The following ZNF626 variants were observed in gnomAD, a reference collection of about 807,000 sequenced individuals.
ZNF626 encodes CTC-513N18.7.
In ZNF626, 4 loss-of-function variants were observed where a neutral mutation model predicts 11.7. The ratio of observed to expected loss-of-function variants is 0.34; its 90% CI spans 0.17 to 0.78. ZNF626 has a LOEUF of 0.78. Among genes scored for constraint, ZNF626 ranks in the 30% least tolerant of loss-of-function variants. The probability of loss-of-function intolerance (pLI) is 0.57; values close to 1 mark genes in which losing one functional copy is unlikely to be tolerated. For missense variants in ZNF626, 588 were observed against 587.1 expected, an observed-to-expected ratio of 1.00 and a Z score of -0.01; for synonymous variants, 179 against 198.6, an observed-to-expected ratio of 0.90 and a Z score of 0.83.
chr19:20,628,342 G>A (rs1455050293), intron 3 of ZNF626, among the ~76,000 whole-genome samples: 3 of 152,234 alleles, frequency 2.0e-5, no homozygotes, highest in South Asian at 2.1e-4. Context: ...CTAGATCCCT[G>A]AGGAATCACC....
chr19:20,625,702 A>G, intron 3 of ZNF626, 52 bp from the exon 4 acceptor site: 3 of 1,480,716 alleles, frequency 2.0e-6, no homozygotes, highest in Non-Finnish European at 2.7e-6. Flanking sequence ...TCAGATAAAT[A>G]TAAATATATA....
chr19:20,642,310 T>A (rs1970032359), intron 3 of ZNF626, among the ~76,000 whole-genome samples: 2 of 152,130 alleles, frequency 1.3e-5, no homozygotes, highest in South Asian at 4.1e-4. Context: ...TTAAGAAACC[T>A]ACACTGAGAC....
rs73926009 is a variant in ZNF626, at chr19:20,622,660, C to A, written c.*1630G>T. The A allele has an allele frequency of 2.0e-5, 3 of 152,058 alleles. No homozygotes were observed. Among genetic ancestry groups the A allele is most frequent in the South Asian group, 4.1e-4 (2 of 4,824 alleles). The allele number at this position is 152,058 out of a possible 1,614,324, so 9.4% of individuals were successfully genotyped here. A position where few individuals can be genotyped will look rare whatever the true frequency, so the allele number is the denominator to read the frequency against. ...ATGTAAATACAAAGCTTCAAAAAAT[C>A]TCCTTTTAAAGTTATATACTAATTT... On this transcript the variant is annotated 3_prime_UTR_variant, in exon 4 of 4. Transcript: ENST00000601440.
chr19:20,625,273 T>C lies in ZNF626; in HGVS notation c.604A>G (p.Lys202Glu), dbSNP rs1555769431. The C allele has an allele frequency of 3.1e-6, 5 of 1,613,878 alleles. No individual in the cohort carries two copies. The highest frequency in any genetic ancestry group is 3.4e-6 in the Non-Finnish European group (4 of 1,179,994). ...KKIHTGGKPY[K>E]CEECGKAFNH... The stretch of plus-strand genomic sequence containing the variant: ...AAGGCTTTGCCACATTCTTCACATT[T>C]GTAGGGTTTCCCTCCAGTATGAATT... Residue 202 changes from lysine to glutamate, a missense_variant, in exon 4 of 4, where the codon AAA becomes GAA. Physicochemically the swap from Lys to Glu is moderately conservative, Grantham distance 56. Coordinates refer to ENST00000601440, the MANE Select transcript of ZNF626 (RefSeq NM_001076675.3).
At chr19:20,656,828 G>T (rs782578074) in intron 1 of ZNF626, among the ~76,000 whole-genome samples, 1 of 152,182 alleles carries the variant, frequency 6.6e-6, no homozygotes, top group Non-Finnish European at 1.5e-5. Flanking sequence ...AAAAGGGAAT[G>T]CTTATACTCT....
At chr19:20,658,045 T>A (rs1404798825) in intron 1 of ZNF626, among the ~76,000 whole-genome samples, 1 of 150,950 alleles carries the variant, frequency 6.6e-6, no homozygotes, top group Admixed American at 6.6e-5. Context: ...CAAACCCCCA[T>A]GACGTAATTT....
Position 20,661,435 on chromosome 19 carries a change from C to T in ZNF626, c.3+9G>A, listed in dbSNP as rs868966965. On this transcript the variant is annotated intron_variant, in intron 1 of 3. Coordinates refer to ENST00000601440, the MANE Select transcript of ZNF626 (RefSeq NM_001076675.3). Reference sequence around the variant, plus strand: ...CTCCTCTCTCGGGATGTCGGACCCTCACTCTCACCATTTTTGGCTTCCAGG... The same window carrying T: ...CTCCTCTCTCGGGATGTCGGACCCTTACTCTCACCATTTTTGGCTTCCAGG... 3.7e-6 allele frequency: 6 copies of T among 1,613,926 alleles called. No homozygotes were observed. The African/African-American group carries it at 5.3e-5, about 14-fold the overall frequency.
intron 3 of ZNF626, 122 bp from the exon 4 acceptor site, chr19:20,625,772 C>T (rs1969823415): frequency 2.9e-6 from 3 of 1,036,672 alleles, no homozygotes; most frequent in Admixed American, 3.6e-5. Context: ...GAAAATACCA[C>T]AAGCTGTAAT....
chr19:20,654,971 G>A (rs1970188865), intron 1 of ZNF626, among the ~76,000 whole-genome samples: 1 of 151,874 alleles, frequency 6.6e-6, no homozygotes, highest in African/African-American at 2.4e-5. Flanking sequence ...ATTCAGCCAG[G>A]CATGGTGATG....
chr19:20,625,347 T>C lies in ZNF626; in HGVS notation c.530A>G (p.Glu177Gly), dbSNP rs1969814499. 6.2e-7 allele frequency: 1 copy of C among 1,614,066 alleles called. No individual in the cohort carries two copies. The highest frequency in any genetic ancestry group is 8.5e-7 in the Non-Finnish European group (1 of 1,180,004). ...HTGKKPFKYI[E>G]CGKAFKQFST... ...GAACTGCTTAAAAGCTTTGCCACAT[T>C]CTATATATTTGAAAGGTTTTTTCCC... The change falls in exon 4 of 4, where the codon GAA (glutamate) becomes GGA (glycine). Residue 177 changes from glutamate (E) to glycine (G), a missense_variant. By Grantham distance (98) the Glu-to-Gly change is moderately conservative. Transcript: ENST00000601440.
chr19:20,627,089 T>C (rs1969844169), intron 3 of ZNF626, among the ~76,000 whole-genome samples: 1 of 150,754 alleles, frequency 6.6e-6, no homozygotes, highest in Admixed American at 6.6e-5. Flanking sequence ...AAGATAAAAA[T>C]GAGGATAATA....
intron 3 of ZNF626, 68 bp from the exon 4 acceptor site, chr19:20,625,718 A>C: frequency 7.0e-7 from 1 of 1,425,216 alleles, no homozygotes; most frequent in South Asian, 1.6e-5. Context: ...ATATATATGC[A>C]GTTTGTATAG....
At chr19:20,642,553 G>A (rs563723847) in intron 3 of ZNF626, among the ~76,000 whole-genome samples, 2 of 151,710 alleles carry the variant, frequency 1.3e-5, no homozygotes, top group East Asian at 2.0e-4. Flanking sequence ...CTGAGATCGC[G>A]CCAGTGCACT....
chr19:20,649,994 A>T (rs1555772399), intron 1 of ZNF626, among the ~76,000 whole-genome samples: 1 of 152,282 alleles, frequency 6.6e-6, no homozygotes, highest in African/African-American at 2.4e-5. Context: ...CAGAAAAAAC[A>T]GAAGGCAGCA....
In ZNF626 at chr19:20,624,991, G is replaced by A. The variant is rs782107864; in HGVS notation, c.886C>T (p.Arg296Trp). Residue 296 changes from arginine to tryptophan, a missense_variant, in exon 4 of 4, where the codon CGG becomes TGG. Physicochemically the swap from Arg to Trp is moderately radical, Grantham distance 101 (BLOSUM62 -3). This residue lies in a region of ZNF626 where 524 missense variants were observed against 470.1 expected (regional missense o/e 1.11). Transcript: ENST00000601440. ...TTATGTGTAGTAAGGGTTGAGGACC[G>A]GTTGAAGGCTTTGCCACATTCTTCA... Reference protein sequence around the residue: ...KCEECGKAFNRSSTLTTHKII... With the variant: ...KCEECGKAFNWSSTLTTHKII... The A allele has an allele frequency of 1.2e-4, 189 of 1,612,768 alleles. No individual in the cohort carries two copies. Among genetic ancestry groups the A allele is most frequent in the Middle Eastern group, 1.6e-4 (1 of 6,074 alleles).
Position 20,653,084 on chromosome 19 carries a change from C to T in ZNF626, c.4-6679G>A, listed in dbSNP as rs114745347. ...ATAAGAAATAGGCAGAAACACAATT[C>T]GGCCTGCACATTTAGGGTATGGCAT... On this transcript the variant is annotated intron_variant, in intron 1 of 3. Coordinates refer to ENST00000601440, the MANE Select transcript of ZNF626 (RefSeq NM_001076675.3). 3.5e-3 allele frequency among the ~76,000 whole-genome samples: 527 copies of T among 152,218 alleles called. 5 individuals are homozygous for T. Among genetic ancestry groups the T allele is most frequent in the African/African-American group, 0.011 (444 of 41,548 alleles).
At chr19:20,657,623 A>G (rs1970218759) in intron 1 of ZNF626, among the ~76,000 whole-genome samples, 1 of 152,042 alleles carries the variant, frequency 6.6e-6, no homozygotes, top group Non-Finnish European at 1.5e-5. Flanking sequence ...CCTGACCAAC[A>G]TGGAGAAACC....
intron 1 of ZNF626, among the ~76,000 whole-genome samples, chr19:20,650,443 T>C (rs1218830197): frequency 1.3e-5 from 2 of 152,200 alleles, no homozygotes; most frequent in Admixed American, 6.5e-5. Context: ...CTGGTTTTAA[T>C]ATAAAATTTA....
chr19:20,645,757 G>A lies in ZNF626; in HGVS notation c.153C>T (p.Asp51=). Residue 51 remains aspartate (D), a synonymous_variant, in exon 3 of 4, where the codon GAC becomes GAT. Coordinates refer to ENST00000601440, the MANE Select transcript of ZNF626 (RefSeq NM_001076675.3). Reference sequence around the variant, plus strand: ...TTCCTTGCTCCAGACAGGTGATCAGGTCTGGCTTAGAAACAGTAATACCTG... The same window carrying A: ...TTCCTTGCTCCAGACAGGTGATCAGATCTGGCTTAGAAACAGTAATACCTG... The part of the protein sequence containing the change: ...VFLGITVSKP[D]LITCLEQGRK... The A allele has an allele frequency of 6.2e-6, 10 of 1,608,474 alleles. No homozygotes were observed. Among genetic ancestry groups the A allele is most frequent in the Non-Finnish European group, 7.6e-6 (9 of 1,178,688 alleles).
Sources: allele counts gnomAD v4.1 joint callset (sites outside exome capture counted in the v4.1 genomes callset), GRCh38; gene constraint gnomAD v4.1.1; regional missense constraint gnomAD v4.1.1; transcripts MANE v1.5; gene names NCBI Gene and HGNC (gene_info 2026-07-23, HGNC 2026-07-21).